FSTL5: variants seen among roughly 807,000 people sequenced by gnomAD.
The protein encoded by FSTL5 is follistatin like 5.
A neutral mutation model predicts 89.1 loss-of-function variants in FSTL5; 62 were observed. The ratio of observed to expected loss-of-function variants is 0.70; its 90% CI spans 0.57 to 0.86. The LOEUF (loss-of-function observed/expected upper bound fraction) is 0.86, where lower values mean the gene tolerates loss of function less well. Among genes scored for constraint, FSTL5 ranks in the 40% least tolerant of loss-of-function variants. The pLI is 0.00. For missense variants in FSTL5, 1,057 were observed against 1,001.6 expected (o/e 1.06, Z -0.75); for synonymous variants, 383 against 346.2 (o/e 1.11, Z -1.18).
At chr4:162,009,432 T>C (rs1159822232) in intron 3 of FSTL5, among the ~76,000 whole-genome samples, 1 of 151,994 alleles carries the variant, frequency 6.6e-6, no homozygotes, top group African/African-American at 2.4e-5. Flanking sequence ...GGCAGTTCCA[T>C]GAAAAGGCAA....
chr4:161,489,032 A>G (rs1729778307), intron 12 of FSTL5, among the ~76,000 whole-genome samples: 2 of 152,178 alleles, frequency 1.3e-5, no homozygotes, highest in Admixed American at 1.3e-4. Flanking sequence ...GAAAAAAATT[A>G]TTTGAATTAT....
intron 2 of FSTL5, among the ~76,000 whole-genome samples, chr4:162,100,082 A>G (rs1486910861): frequency 6.6e-6 from 1 of 152,216 alleles, no homozygotes; most frequent in Non-Finnish European, 1.5e-5. Context: ...TACCCAAAAG[A>G]GCTGAAAATG....
intron 15 of FSTL5, among the ~76,000 whole-genome samples, chr4:161,439,380 A>G (rs1326212415): frequency 1.3e-5 from 2 of 152,214 alleles, no homozygotes; most frequent in African/African-American, 2.4e-5. Context: ...AGTGCCTTAG[A>G]AGATTTACAT....
chr4:162,027,410 A>G (rs1737337543), intron 3 of FSTL5, among the ~76,000 whole-genome samples: 1 of 152,080 alleles, frequency 6.6e-6, no homozygotes, highest in Non-Finnish European at 1.5e-5. Flanking sequence ...ATGGTTTTAT[A>G]GAATTGTTTA....
chr4:161,694,962 CA>C (rs1212525295), intron 6 of FSTL5, among the ~76,000 whole-genome samples: 1 of 150,166 alleles, frequency 6.7e-6, no homozygotes, highest in African/African-American at 2.5e-5. Flanking sequence ...TTCTTAAATG[CA>C]TGGCTCCTAT....
At chr4:161,603,339 G>C (rs80026919) in intron 7 of FSTL5, among the ~76,000 whole-genome samples, 1 of 152,126 alleles carries the variant, frequency 6.6e-6, no homozygotes, top group Non-Finnish European at 1.5e-5. Context: ...ATAGCATTAC[G>C]TTTAAAAATA....
chr4:161,707,075 A>G (rs1160986535), intron 6 of FSTL5, among the ~76,000 whole-genome samples: 1 of 151,640 alleles, frequency 6.6e-6, no homozygotes, highest in East Asian at 1.9e-4. Flanking sequence ...TAATGCACTT[A>G]TTTCAGAAAA....
intron 2 of FSTL5, among the ~76,000 whole-genome samples, chr4:162,070,565 A>G (rs1729575985): frequency 6.6e-6 from 1 of 151,808 alleles, no homozygotes; most frequent in Admixed American, 6.6e-5. Flanking sequence ...ATTCTTCGAC[A>G]TATATATGTC....
chr4:161,621,704 G>A (rs1037342724), intron 7 of FSTL5, among the ~76,000 whole-genome samples: 5 of 151,888 alleles, frequency 3.3e-5, no homozygotes, highest in Non-Finnish European at 5.9e-5. Flanking sequence ...CAGGCCAGGC[G>A]CAATGGCTCA....
intron 5 of FSTL5, among the ~76,000 whole-genome samples, chr4:161,774,057 T>C (rs7679709): frequency 0.21 from 31,814 of 151,832 alleles, 6,124 homozygotes; most frequent in African/African-American, 0.51. Context: ...GTCAGGAGAT[T>C]GAGACCATCC....
chr4:161,693,316 C>G (rs964914861), intron 6 of FSTL5, among the ~76,000 whole-genome samples: 2 of 152,158 alleles, frequency 1.3e-5, no homozygotes, highest in African/African-American at 4.8e-5. Flanking sequence ...TCTAGTCTTA[C>G]AGAAAATATT....
intron 2 of FSTL5, among the ~76,000 whole-genome samples, chr4:162,091,936 C>T (rs180908144): frequency 6.1e-5 from 9 of 147,980 alleles, no homozygotes; most frequent in Admixed American, 2.1e-4. Context: ...ATATTTTAGA[C>T]AATATATGTA....
chr4:161,781,594 T>C (rs1741669821), intron 4 of FSTL5, among the ~76,000 whole-genome samples: 1 of 152,172 alleles, frequency 6.6e-6, no homozygotes, highest in Admixed American at 6.5e-5. Context: ...CTTTGGTTTT[T>C]AGTGTTTTAG....
In FSTL5 at chr4:161,458,121, A is replaced by G. The variant is rs1213067319; in HGVS notation, c.1716+1091T>C. 2.0e-5 allele frequency among the ~76,000 whole-genome samples: 3 copies of G among 152,208 alleles called. No homozygotes were observed. The East Asian group carries it at 5.8e-4, about 29-fold the overall frequency. On this transcript the variant is annotated intron_variant, in intron 14 of 15. Coordinates refer to ENST00000306100, the MANE Select transcript of FSTL5 (RefSeq NM_020116.5). ...TCACCATGCGACAGACATGAGGGTG[A>G]GGCCATTCTGAACCTTCCAACTCTA... is the stretch of plus-strand genomic sequence containing the variant.
chr4:161,785,799 T>C (rs1358473401), intron 4 of FSTL5, among the ~76,000 whole-genome samples: 1 of 152,170 alleles, frequency 6.6e-6, no homozygotes, highest in African/African-American at 2.4e-5. Flanking sequence ...CTGGGACTTT[T>C]GGCCAGTTTG....
At chr4:161,643,198 C>T (rs1736028392) in intron 7 of FSTL5, among the ~76,000 whole-genome samples, 1 of 152,130 alleles carries the variant, frequency 6.6e-6, no homozygotes, top group African/African-American at 2.4e-5. Context: ...GTTTATTTCT[C>T]ATATCCAAGC....
At chr4:161,726,935 A>G (rs1322539371) in intron 6 of FSTL5, among the ~76,000 whole-genome samples, 1 of 150,878 alleles carries the variant, frequency 6.6e-6, no homozygotes, top group Non-Finnish European at 1.5e-5. Context: ...ATATATGTAT[A>G]TGTAATTTAC....
chr4:161,780,056 C>T (rs903642583), intron 4 of FSTL5, among the ~76,000 whole-genome samples: 1 of 148,414 alleles, frequency 6.7e-6, no homozygotes, highest in Non-Finnish European at 1.5e-5. Flanking sequence ...ATATGTCCCT[C>T]GGAGTCCTTC....
At chr4:161,476,325 T>C (rs940084706) in intron 13 of FSTL5, among the ~76,000 whole-genome samples, 1 of 151,644 alleles carries the variant, frequency 6.6e-6, no homozygotes, top group Non-Finnish European at 1.5e-5. Context: ...GTAGCCGGGA[T>C]TACAGGCATG....
Sources: allele counts gnomAD v4.1 joint callset (sites outside exome capture counted in the v4.1 genomes callset), GRCh38; gene constraint gnomAD v4.1.1; transcripts MANE v1.5; gene names NCBI Gene and HGNC (gene_info 2026-07-23, HGNC 2026-07-21).